Variants in CARD10 observed in about 807,000 individuals in gnomAD.
CARD10 encodes the protein caspase recruitment domain family member 10, also known as caspase recruitment domain-containing protein 10.
A neutral mutation model predicts 114.6 loss-of-function variants in CARD10; 49 were observed. The observed-to-expected ratio is 0.43, with a 90% CI of 0.34 to 0.54. The LOEUF is 0.54. Among genes scored for constraint, CARD10 ranks in the 20% least tolerant of loss-of-function variants. The pLI, the probability that CARD10 is intolerant of heterozygous loss-of-function variation, is 0.03. For missense variants in CARD10, 1,206 were observed against 1,397.2 expected (o/e 0.86, Z 2.18); for synonymous variants, 602 against 593.2 (o/e 1.01, Z -0.21).
At chr22:37,495,184 T>C (rs1310414722) in intron 15 of CARD10, among the ~76,000 whole-genome samples, 1 of 152,186 alleles carries the variant, frequency 6.6e-6, no homozygotes, top group African/African-American at 2.4e-5. Context: ...GCCAGGATGG[T>C]CTCGATCTCC....
At position 37,502,624 on chromosome 22, in the gene CARD10, A is replaced by G. The variant is rs1923255683; in HGVS notation, c.1765T>C (p.Cys589Arg). 1 of 1,613,910 alleles carries G rather than the reference A, an allele frequency of 6.2e-7. No homozygotes were observed. Among genetic ancestry groups the G allele is most frequent in the African/African-American group, 1.3e-5 (1 of 75,058 alleles). Residue 589 changes from cysteine to arginine, a missense_variant, in exon 11 of 20, where the codon TGT (cysteine) becomes CGT (arginine). Transcript: ENST00000251973. ...TACCTGTTGAGGAAGTCCAGGCCAC[A>G]GCCCCGAGCCAGGAGGCCTTCCGGC... ...GKPEGLLARG[C>R]GLDFLNRSLA...
At chr22:37,503,544 T>C (rs1923296871) in intron 9 of CARD10, among the ~76,000 whole-genome samples, 1 of 152,104 alleles carries the variant, frequency 6.6e-6, no homozygotes, top group East Asian at 1.9e-4. Flanking sequence ...CTTGCCACCT[T>C]TGTGGTTTGT....
chr22:37,498,198 T>A (rs1923077058), intron 11 of CARD10, among the ~76,000 whole-genome samples: 1 of 152,128 alleles, frequency 6.6e-6, no homozygotes, highest in Admixed American at 6.5e-5. Context: ...TTATTTTACA[T>A]CCTGGGAAGC....
chr22:37,503,078 A>G, intron 10 of CARD10, 107 bp downstream of exon 10: 1 of 1,230,406 alleles, frequency 8.1e-7, no homozygotes, highest in Non-Finnish European at 1.2e-6. Flanking sequence ...GCTTCAGGGA[A>G]GGGGATGCAG....
At chr22:37,491,450 C>T in intron 19 of CARD10, 57 bp from the exon 20 acceptor site, 1 of 1,292,262 alleles carries the variant, frequency 7.7e-7, no homozygotes, top group South Asian at 1.5e-5. Context: ...GACAGAGAGA[C>T]AGGGAGAGAG....
intron 3 of CARD10, among the ~76,000 whole-genome samples, chr22:37,515,526 G>A (rs1162748284): frequency 7.0e-6 from 1 of 142,094 alleles, no homozygotes; most frequent in East Asian, 2.1e-4. Flanking sequence ...TCACACCACT[G>A]CACTCCAGCC....
At position 37,504,220 on chromosome 22, in the gene CARD10, G is replaced by T; in HGVS notation, c.1600C>A (p.Arg534=). 6.4e-7 allele frequency: 1 copy of T among 1,574,548 alleles called. No homozygotes were observed. Among genetic ancestry groups the T allele is most frequent in the Non-Finnish European group, 8.6e-7 (1 of 1,159,114 alleles). The change falls in exon 9 of 20, where the codon CGG becomes AGG. Residue 534 remains arginine (R), a synonymous_variant. Transcript: ENST00000251973. ...GGTGCGGGGTCTTCCTCACGCTGCC[G>T]GCGGAGGATGGAGCCGGCACTGGGG... ...FPPSAGSILR[R]QREEDPAPPK...
In CARD10 at chr22:37,497,186, G is replaced by T; in HGVS notation, c.1788-8C>A. 4.4e-6 allele frequency: 7 copies of T among 1,607,118 alleles called. No homozygotes were observed. Among genetic ancestry groups the T allele is most frequent in the Non-Finnish European group, 5.9e-6 (7 of 1,177,544 alleles). On this transcript the variant is annotated splice_region_variant and splice_polypyrimidine_tract_variant and intron_variant, in intron 11 of 19. Transcript: ENST00000251973. ...ACCCGAATAGCCAGAGACCTGAGAA[G>T]GGAGAAAGGAGATGAGAATTGGAGT...
intron 11 of CARD10, among the ~76,000 whole-genome samples, chr22:37,500,486 A>G (rs1347529813): frequency 2.8e-5 from 4 of 143,812 alleles, no homozygotes; most frequent in Non-Finnish European, 6.2e-5. Flanking sequence ...GGTCTGCCCC[A>G]GCCCCCCACT....
At chr22:37,518,901 T>G in intron 1 of CARD10, 65 bp downstream of exon 1, 1 of 1,460,914 alleles carries the variant, frequency 6.8e-7, no homozygotes. Context: ...GCTACACGGC[T>G]GTGGGCGCTG....
chr22:37,518,440 C>T (rs1397535835), intron 1 of CARD10, among the ~76,000 whole-genome samples: 1 of 152,216 alleles, frequency 6.6e-6, no homozygotes, highest in African/African-American at 2.4e-5. Flanking sequence ...TCCCATTGGC[C>T]ATGCCTGAAA....
chr22:37,497,125 T>C lies in CARD10; in HGVS notation c.1841A>G (p.Gln614Arg), dbSNP rs577479526. ...GRSPPGGPEPQDKGPDGLSFY... is the reference protein window; with the variant it reads ...GRSPPGGPEPRDKGPDGLSFY... ...CGACAGTCCATCTGGTCCCTTGTCC[T>C]GCGGCTCTGGGCCCCCTGGGGGGCT... Residue 614 changes from glutamine to arginine, a missense_variant, in exon 12 of 20, where the codon CAG becomes CGG. Coordinates refer to ENST00000251973, the MANE Select transcript of CARD10 (RefSeq NM_014550.4). 6.2e-7 allele frequency: 1 copy of C among 1,614,202 alleles called. No homozygotes were observed. The highest frequency in any genetic ancestry group is 1.7e-5 in the Admixed American group (1 of 60,026).
intron 9 of CARD10, among the ~76,000 whole-genome samples, chr22:37,503,780 G>A (rs1247814479): frequency 6.6e-6 from 1 of 152,196 alleles, no homozygotes; most frequent in Non-Finnish European, 1.5e-5. Flanking sequence ...CAGAGGGTGC[G>A]CCTTGGTTTT....
At chr22:37,504,555 T>G in intron 8 of CARD10, 80 bp downstream of exon 8, 2 of 1,454,794 alleles carry the variant, frequency 1.4e-6, no homozygotes, top group Non-Finnish European at 1.8e-6. Context: ...GTGAAATGGA[T>G]CCTTCAGAAA....
chr22:37,518,824 C>T, intron 1 of CARD10, 142 bp downstream of exon 1: 1 of 1,019,092 alleles, frequency 9.8e-7, no homozygotes, highest in Non-Finnish European at 1.4e-6. Context: ...GGCTGGTGGG[C>T]ATACCCAGCC....
intron 11 of CARD10, among the ~76,000 whole-genome samples, chr22:37,502,172 C>A (rs1300533930): frequency 6.6e-6 from 1 of 152,226 alleles, no homozygotes; most frequent in African/African-American, 2.4e-5. Context: ...CCCAAGCCCA[C>A]CCACAGCATG....
intron 7 of CARD10, 138 bp from the exon 8 acceptor site, chr22:37,504,907 T>G: frequency 2.3e-6 from 1 of 437,954 alleles, no homozygotes. Flanking sequence ...GAATGGGAGA[T>G]AAACTGTAAA....
rs760327734 is a variant in CARD10, at chr22:37,497,137, C to T, written c.1829G>A (p.Gly610Asp). 4 of 1,614,136 alleles carry T rather than the reference C, an allele frequency of 2.5e-6. No individual in the cohort carries two copies. The highest frequency in any genetic ancestry group is 2.2e-5 in the East Asian group (1 of 44,884). Residue 610 changes from glycine to aspartate, a missense_variant, in exon 12 of 20, where the codon GGC becomes GAC. By Grantham distance (94) the Gly-to-Asp change is moderately conservative. Coordinates refer to ENST00000251973, the MANE Select transcript of CARD10 (RefSeq NM_014550.4). ...TGGTCCCTTGTCCTGCGGCTCTGGG[C>T]CCCCTGGGGGGCTCCGGCCAGACAC... Reference protein sequence around the residue: ...IRVSGRSPPGGPEPQDKGPDG... With the variant: ...IRVSGRSPPGDPEPQDKGPDG...
At chr22:37,494,403 C>T in intron 15 of CARD10, 1 of 578,980 alleles carries the variant, frequency 1.7e-6, no homozygotes, top group South Asian at 2.1e-5. Flanking sequence ...GAGCAGCCAT[C>T]CCTGTGGCCC....
Sources: allele counts gnomAD v4.1 joint callset (sites outside exome capture counted in the v4.1 genomes callset), GRCh38; gene constraint gnomAD v4.1.1; transcripts MANE v1.5; gene names NCBI Gene and HGNC (gene_info 2026-07-23, HGNC 2026-07-21).